TOPAZ1: variants seen among roughly 807,000 people sequenced by gnomAD.
The protein encoded by TOPAZ1 is testis and ovary specific TOPAZ 1.
TOPAZ1 carries 66 observed loss-of-function variants against 172.2 expected under a neutral mutation model. The ratio of observed to expected loss-of-function variants is 0.38; its 90% CI spans 0.31 to 0.47. The LOEUF (loss-of-function observed/expected upper bound fraction) is 0.47. Ranked by LOEUF, TOPAZ1 falls within the 20% of genes least tolerant of loss-of-function variation. TOPAZ1 has a pLI of 0.99. For missense variants in TOPAZ1, 1,822 were observed against 1,972.4 expected (o/e 0.92, Z 1.44); for synonymous variants, 681 against 683.9 (o/e 1.00, Z 0.07).
chr3:44,277,236 C>T (rs1699970599), intron 8 of TOPAZ1, among the ~76,000 whole-genome samples: 2 of 151,972 alleles, frequency 1.3e-5, no homozygotes, highest in South Asian at 4.2e-4. Flanking sequence ...AAATTTATTC[C>T]TAAGTATTTT....
intron 12 of TOPAZ1, 139 bp downstream of exon 12, chr3:44,291,025 C>G (rs1382780364): frequency 1.8e-6 from 1 of 541,400 alleles, no homozygotes; most frequent in African/African-American, 2.0e-5. Context: ...TCTCCTGTCT[C>G]TTGGCTGTGC....
downstream of TOPAZ1, among the ~76,000 whole-genome samples, chr3:44,332,387 T>C (rs1474707458): frequency 1.3e-5 from 2 of 152,168 alleles, no homozygotes; most frequent in Non-Finnish European, 2.9e-5. Flanking sequence ...TAGTGTGTAC[T>C]CAGTCCAGTC....
At chr3:44,278,485 A>G (rs1241777197) in intron 8 of TOPAZ1, among the ~76,000 whole-genome samples, 6 of 152,088 alleles carry the variant, frequency 3.9e-5, no homozygotes, top group Admixed American at 1.3e-4. Flanking sequence ...GAATTCAGCA[A>G]TGAAGTCATC....
In TOPAZ1 at chr3:44,296,309, G is replaced by T. The variant is rs1700192879; in HGVS notation, c.3797+5423G>T. Among the ~76,000 whole-genome samples the T allele has an allele frequency of 2.0e-5, 3 of 151,724 alleles. No homozygotes were observed. In the South Asian group the frequency reaches 6.2e-4, roughly 31 times the overall value. ...TAAACTCAAAGTAAGCATAAGAAAG[G>T]CAATAAAGCTAAGAATATGAATCAA... is the stretch of plus-strand genomic sequence containing the variant. On this transcript the variant is annotated intron_variant, in intron 12 of 19. Transcript: ENST00000309765.
chr3:44,245,323 G>C (rs1699551315), intron 2 of TOPAZ1, 52 bp downstream of exon 2: 1 of 1,455,008 alleles, frequency 6.9e-7, no homozygotes, highest in South Asian at 1.5e-5. Flanking sequence ...GGTTAGAAAA[G>C]CAGTCTCTTA....
chr3:44,266,676 G>C (rs1458630420), intron 5 of TOPAZ1, among the ~76,000 whole-genome samples: 1 of 152,116 alleles, frequency 6.6e-6, no homozygotes, highest in African/African-American at 2.4e-5. Context: ...TAGGGGCTTA[G>C]TTTTCATGGT....
At chr3:44,277,060 G>A (rs1302002464) in intron 8 of TOPAZ1, among the ~76,000 whole-genome samples, 25 of 151,970 alleles carry the variant, frequency 1.6e-4, no homozygotes, top group East Asian at 1.9e-4. Flanking sequence ...CAAAGTGCTG[G>A]GATTACAGGC....
chr3:44,300,557 A>G (rs1394565548), intron 12 of TOPAZ1, among the ~76,000 whole-genome samples: 2 of 152,268 alleles, frequency 1.3e-5, no homozygotes, highest in African/African-American at 2.4e-5. Context: ...AAATAAAACT[A>G]TATGAGATAT....
rs1256022343 is a variant in TOPAZ1 at position 44,267,014 on chromosome 3, C to CAG, written c.3040_3041dup (p.Asp1014GlufsTer21). On this transcript the variant is annotated frameshift_variant, in exon 6 of 20. Coordinates refer to ENST00000309765, the MANE Select transcript of TOPAZ1 (RefSeq NM_001145030.2). LOFTEE classifies it high-confidence loss of function. ...TCACACAGCAAAGATTCTAGAAATG[C>CAG]AGACTTTATGGTCGGCGAATGTCAA... 1 of 1,539,522 alleles carries CAG rather than the reference C, an allele frequency of 6.5e-7. No homozygotes were observed. The highest frequency in any genetic ancestry group is 8.7e-7 in the Non-Finnish European group (1 of 1,142,902).
intron 12 of TOPAZ1, among the ~76,000 whole-genome samples, chr3:44,296,847 CA>C (rs141080618): frequency 0.31 from 32,542 of 104,642 alleles, 4,696 homozygotes; most frequent in African/African-American, 0.4. Flanking sequence ...CAGAGAATAC[CA>C]AAAAAAAAAA....
intron 16 of TOPAZ1, among the ~76,000 whole-genome samples, chr3:44,313,574 G>C (rs1407735396): frequency 6.9e-6 from 1 of 145,950 alleles, no homozygotes; most frequent in Non-Finnish European, 1.5e-5. Flanking sequence ...CCAAGATCAC[G>C]CCACTGCACT....
intron 5 of TOPAZ1, among the ~76,000 whole-genome samples, chr3:44,264,494 G>A (rs1699807989): frequency 6.6e-6 from 1 of 152,188 alleles, no homozygotes; most frequent in Admixed American, 6.5e-5. Flanking sequence ...CCTTCAGTGA[G>A]TCATATTTGC....
At chr3:44,335,851 G>A (rs1700718700), downstream of TOPAZ1, among the ~76,000 whole-genome samples, 1 of 152,068 alleles carries the variant, frequency 6.6e-6, no homozygotes, top group Admixed American at 6.6e-5. Flanking sequence ...TTCATATAAA[G>A]GTTTTGCTAT....
chr3:44,317,335 C>T (rs1474418821), intron 16 of TOPAZ1, among the ~76,000 whole-genome samples: 2 of 152,122 alleles, frequency 1.3e-5, no homozygotes, highest in Non-Finnish European at 2.9e-5. Context: ...GCACAAGAAT[C>T]ATTTAAACCC....
intron 14 of TOPAZ1, 150 bp from the exon 15 acceptor site, chr3:44,306,176 C>T (rs1322163825): frequency 2.0e-6 from 1 of 502,904 alleles, no homozygotes; most frequent in African/African-American, 1.9e-5. Flanking sequence ...AACAGGAAAA[C>T]CATTGTTGGC....
intron 1 of TOPAZ1, 73 bp downstream of exon 1, chr3:44,242,472 G>A: frequency 7.0e-7 from 1 of 1,424,754 alleles, no homozygotes; most frequent in Non-Finnish European, 9.6e-7. Flanking sequence ...TTTACCACTA[G>A]TCTTTAACTT....
At chr3:44,299,957 T>TGGGGGG (rs59025711) in intron 12 of TOPAZ1, among the ~76,000 whole-genome samples, 41 of 94,262 alleles carry the variant, frequency 4.3e-4, no homozygotes, top group Non-Finnish European at 4.9e-4. Flanking sequence ...TGTTGTGGGG[T>TGGGGGG]GGGGGGAGGG....
At chr3:44,299,227 A>G (rs1700240814) in intron 12 of TOPAZ1, among the ~76,000 whole-genome samples, 1 of 151,928 alleles carries the variant, frequency 6.6e-6, no homozygotes, top group African/African-American at 2.4e-5. Flanking sequence ...AGCTGAGAAT[A>G]TATTTTGAAA....
At chr3:44,320,909 T>G in intron 16 of TOPAZ1, 118 bp from the exon 17 acceptor site, 1 of 631,116 alleles carries the variant, frequency 1.6e-6, no homozygotes, top group Non-Finnish European at 2.6e-6. Context: ...CTTCTCTGAG[T>G]ACATATGTTT....
Sources: gnomAD v4.1 joint callset for allele counts (sites outside exome capture counted in the v4.1 genomes callset) on GRCh38, gnomAD v4.1.1 for gene constraint, MANE v1.5 for transcripts, NCBI Gene and HGNC (gene_info 2026-07-23, HGNC 2026-07-21) for gene names.